ZNF804B: variants seen among roughly 807,000 people sequenced by gnomAD.
The protein encoded by ZNF804B is zinc finger protein 804B.
In ZNF804B, 80 loss-of-function variants were observed where a neutral mutation model predicts 101.4. That is an observed-to-expected ratio of 0.79 (90% CI 0.66 to 0.95). The LOEUF (loss-of-function observed/expected upper bound fraction) is 0.95, where lower values mean the gene tolerates loss of function less well. ZNF804B is among the 40% of genes least tolerant of loss of function. The pLI is 0.00. For missense variants in ZNF804B, 1,673 were observed against 1,561.9 expected, an observed-to-expected ratio of 1.07 and a Z score of -1.20; for synonymous variants, 622 against 558.8, an observed-to-expected ratio of 1.11 and a Z score of -1.59.
chr7:88,866,949 T>C (rs1791736062), intron 1 of ZNF804B, among the ~76,000 whole-genome samples: 1 of 152,212 alleles, frequency 6.6e-6, no homozygotes, highest in South Asian at 2.1e-4. Context: ...ACCAAGTGTT[T>C]CTGTGAAAGT....
chr7:89,131,342 C>T (rs1041007293), intron 1 of ZNF804B, among the ~76,000 whole-genome samples: 2 of 151,986 alleles, frequency 1.3e-5, no homozygotes, highest in African/African-American at 4.8e-5. Flanking sequence ...GTGGTATAAA[C>T]ATTAACTTAT....
At chr7:89,086,988 A>T (rs1203106992) in intron 1 of ZNF804B, among the ~76,000 whole-genome samples, 1 of 150,654 alleles carries the variant, frequency 6.6e-6, no homozygotes, top group Non-Finnish European at 1.5e-5. Context: ...TAATGATAAT[A>T]AAAAAAAATT....
chr7:89,125,398 A>G (rs1024364351), intron 1 of ZNF804B, among the ~76,000 whole-genome samples: 2 of 151,850 alleles, frequency 1.3e-5, no homozygotes, highest in Admixed American at 1.3e-4. Context: ...TTATGCCTGG[A>G]CTAACTTTCA....
intron 1 of ZNF804B, among the ~76,000 whole-genome samples, chr7:88,812,360 A>T (rs1790803663): frequency 6.6e-6 from 1 of 152,218 alleles, no homozygotes; most frequent in South Asian, 2.1e-4. Flanking sequence ...AAAACAGAAA[A>T]TAACAACTGT....
Position 88,874,114 on chromosome 7 carries a change from C to G in ZNF804B, c.108+114030C>G, listed in dbSNP as rs536798988. Among the ~76,000 whole-genome samples, 16 of 152,160 alleles carry G rather than the reference C, an allele frequency of 1.1e-4. 1 individual carries two copies. In the South Asian group the frequency reaches 3.3e-3, roughly 32 times the overall value. On this transcript the variant is annotated intron_variant, in intron 1 of 3. Transcript: ENST00000333190. ...TTCCTACCCATGAGCATGGAATGTT[C>G]TTCCATTTGTTTGTATCCTCTTTTA...
intron 1 of ZNF804B, among the ~76,000 whole-genome samples, chr7:88,904,592 AT>A (rs1265202472): frequency 6.6e-6 from 1 of 151,998 alleles, no homozygotes; most frequent in East Asian, 1.9e-4. Context: ...AGCATGGAAT[AT>A]TTTTTATTTA....
chr7:88,914,413 C>T (rs895816601), intron 1 of ZNF804B, among the ~76,000 whole-genome samples: 7 of 152,064 alleles, frequency 4.6e-5, no homozygotes, highest in African/African-American at 1.7e-4. Flanking sequence ...AAATGAAAAA[C>T]ATGTGACTTG....
intron 1 of ZNF804B, among the ~76,000 whole-genome samples, chr7:89,124,224 C>T (rs1377168856): frequency 1.4e-5 from 2 of 143,304 alleles, no homozygotes; most frequent in Non-Finnish European, 1.6e-5. Context: ...CATCATAAAT[C>T]CCACTATTCT....
rs563163043 is a variant in ZNF804B, at chr7:88,874,797, C to T, written c.108+114713C>T. Among the ~76,000 whole-genome samples the T allele has an allele frequency of 5.2e-3, 792 of 151,802 alleles. 11 individuals carry two copies. Among genetic ancestry groups the T allele is most frequent in the African/African-American group, 0.018 (758 of 41,386 alleles). On this transcript the variant is annotated intron_variant, in intron 1 of 3. Coordinates refer to ENST00000333190, the MANE Select transcript of ZNF804B (RefSeq NM_181646.5). ...TACCCAGGAATTGAACTCAGCTCTG[C>T]ACCAAGCGGACCTAATAGACATCTA... is the stretch of plus-strand genomic sequence containing the variant.
At chr7:88,918,740 C>T (rs1012521080) in intron 1 of ZNF804B, among the ~76,000 whole-genome samples, 5 of 152,038 alleles carry the variant, frequency 3.3e-5, no homozygotes, top group East Asian at 1.9e-4. Flanking sequence ...TCCCTGGCAT[C>T]GGTGTCCAAG....
At chr7:88,794,266 G>A (rs1476655610) in intron 1 of ZNF804B, 16 of 1,613,536 alleles carry the variant, frequency 9.9e-6, no homozygotes, top group East Asian at 2.2e-5. Flanking sequence ...AAATGTTGCC[G>A]GGTCCATGAA....
chr7:89,010,287 G>A (rs989772574), intron 1 of ZNF804B, among the ~76,000 whole-genome samples: 2 of 152,094 alleles, frequency 1.3e-5, no homozygotes, highest in Non-Finnish European at 2.9e-5. Context: ...GCCTATAAGG[G>A]ACAGAAACGG....
At chr7:89,090,200 A>T (rs1031211050) in intron 1 of ZNF804B, among the ~76,000 whole-genome samples, 1 of 152,054 alleles carries the variant, frequency 6.6e-6, no homozygotes, top group African/African-American at 2.4e-5. Context: ...TTTAAATACA[A>T]AGAATAAAAA....
At chr7:88,907,590 T>C (rs1339841666) in intron 1 of ZNF804B, among the ~76,000 whole-genome samples, 1 of 151,956 alleles carries the variant, frequency 6.6e-6, no homozygotes, top group Non-Finnish European at 1.5e-5. Context: ...ACTATGACCA[T>C]TTTGTAGATG....
chr7:88,972,329 G>A (rs1360410746), intron 1 of ZNF804B, among the ~76,000 whole-genome samples: 1 of 151,350 alleles, frequency 6.6e-6, no homozygotes, highest in Non-Finnish European at 1.5e-5. Flanking sequence ...CTGTCTTAAA[G>A]TAGCCTGTTA....
intron 1 of ZNF804B, among the ~76,000 whole-genome samples, chr7:88,967,586 A>G (rs540684537): frequency 6.8e-6 from 1 of 146,366 alleles, no homozygotes; most frequent in Non-Finnish European, 1.5e-5. Context: ...AAAGGTAACC[A>G]ATAGTATTAC....
intron 2 of ZNF804B, among the ~76,000 whole-genome samples, chr7:89,278,472 T>G (rs1338168308): frequency 6.6e-6 from 1 of 150,946 alleles, no homozygotes; most frequent in Non-Finnish European, 1.5e-5. Flanking sequence ...TCTAGGGTTT[T>G]TATGGTTTTA....
At chr7:89,260,415 A>C (rs1338438407) in intron 2 of ZNF804B, among the ~76,000 whole-genome samples, 1 of 151,792 alleles carries the variant, frequency 6.6e-6, no homozygotes, top group Non-Finnish European at 1.5e-5. Context: ...CTTTCCCCTC[A>C]ATGATTTTCT....
chr7:89,104,568 T>C (rs942669647), intron 1 of ZNF804B, among the ~76,000 whole-genome samples: 4 of 152,108 alleles, frequency 2.6e-5, no homozygotes, highest in African/African-American at 9.7e-5. Context: ...TTCATATTTC[T>C]TTGGTATCAG....
Sources: gnomAD v4.1 joint callset for allele counts (sites outside exome capture counted in the v4.1 genomes callset) on GRCh38, gnomAD v4.1.1 for gene constraint, MANE v1.5 for transcripts, NCBI Gene and HGNC (gene_info 2026-07-23, HGNC 2026-07-21) for gene names.